RABL6: variants seen among roughly 807,000 people sequenced by gnomAD.
The protein encoded by RABL6 is RAB, member RAS oncogene family like 6.
Under a neutral mutation model 72.9 loss-of-function variants are expected in RABL6, and 28 were observed. The ratio of observed to expected loss-of-function variants is 0.38; its 90% CI spans 0.28 to 0.53. The LOEUF (loss-of-function observed/expected upper bound fraction) is 0.53, where lower values mean the gene tolerates loss of function less well. Ranked by LOEUF, RABL6 falls within the 20% of genes least tolerant of loss-of-function variation. The pLI is 0.80. For synonymous variants in RABL6, 477 were observed against 421.2 expected (o/e 1.13, Z -1.62); for missense variants, 1,029 against 1,008.4 (o/e 1.02, Z -0.28).
chr9:136,810,583 C>T (rs1438192699), intron 1 of RABL6, among the ~76,000 whole-genome samples: 2 of 152,000 alleles, frequency 1.3e-5, no homozygotes, highest in African/African-American at 4.8e-5. Flanking sequence ...GCTGTGTCTC[C>T]CAGGCTGGAG....
intron 6 of RABL6, 56 bp from the exon 7 acceptor site, chr9:136,832,209 C>A: frequency 6.6e-7 from 1 of 1,514,922 alleles, no homozygotes; most frequent in Non-Finnish European, 9.2e-7. Flanking sequence ...CAGGGGTGAT[C>A]CTTGGCACCA....
chr9:136,825,356 C>T (rs1466814248), intron 2 of RABL6, among the ~76,000 whole-genome samples: 2 of 149,942 alleles, frequency 1.3e-5, no homozygotes, highest in African/African-American at 4.9e-5. Flanking sequence ...TCGACCCAGC[C>T]AGGAGGGTCC....
At chr9:136,823,712 A>G in intron 2 of RABL6, 53 bp downstream of exon 2, 3 of 1,530,486 alleles carry the variant, frequency 2.0e-6, no homozygotes, top group Non-Finnish European at 2.6e-6. Context: ...CTCCTCCCTC[A>G]GCCCTGGTTC....
intron 5 of RABL6, 84 bp from the exon 6 acceptor site, chr9:136,831,637 G>A (rs905198072): frequency 1.4e-5 from 22 of 1,571,060 alleles, no homozygotes; most frequent in Admixed American, 3.4e-5. Flanking sequence ...CACCATCCTC[G>A]GGCCTGGGCG....
intron 9 of RABL6, 58 bp downstream of exon 9, chr9:136,837,720 G>C: frequency 6.5e-7 from 1 of 1,546,500 alleles, no homozygotes; most frequent in South Asian, 1.2e-5. Flanking sequence ...CCTCACAGGT[G>C]GGGTCCTGGA....
chr9:136,814,107 A>G (rs891025586), intron 1 of RABL6: 3 of 345,012 alleles, frequency 8.7e-6, no homozygotes, highest in Non-Finnish European at 1.2e-5. Flanking sequence ...GAAAATCCAC[A>G]TAGTCAGATT....
At chr9:136,812,336 G>T (rs1848028942) in intron 1 of RABL6, among the ~76,000 whole-genome samples, 1 of 152,124 alleles carries the variant, frequency 6.6e-6, no homozygotes, top group Non-Finnish European at 1.5e-5. Context: ...GAGGTGGGCG[G>T]ATTACATGAG....
intron 1 of RABL6, among the ~76,000 whole-genome samples, chr9:136,819,439 C>T (rs1283682128): frequency 6.6e-6 from 1 of 152,018 alleles, no homozygotes; most frequent in South Asian, 2.1e-4. Context: ...AATAACATGG[C>T]AGCAGCAGTT....
intron 1 of RABL6, chr9:136,815,105 C>A: frequency 4.3e-6 from 1 of 232,928 alleles, no homozygotes; most frequent in South Asian, 4.9e-5. Flanking sequence ...GGCAGGGGCA[C>A]CCGCTGCTGC....
At chr9:136,831,451 G>A (rs975664839) in intron 5 of RABL6, among the ~76,000 whole-genome samples, 1 of 152,200 alleles carries the variant, frequency 6.6e-6, no homozygotes, top group African/African-American at 2.4e-5. Context: ...TCTGAGGGAA[G>A]GCAGGGACAG....
chr9:136,835,678 G>T, intron 7 of RABL6, 64 bp from the exon 8 acceptor site: 1 of 1,445,434 alleles, frequency 6.9e-7, no homozygotes, highest in East Asian at 2.5e-5. Flanking sequence ...TTCAGGGGCT[G>T]TGGGGCTGGG....
chr9:136,837,567 C>A lies in RABL6; in HGVS notation c.1031C>A (p.Pro344Gln), dbSNP rs1387726507. The change falls in exon 9 of 15, where the codon CCA (proline) becomes CAA (glutamine). Residue 344 changes from proline to glutamine, a missense_variant. Physicochemically the swap from Pro to Gln is moderately conservative, Grantham distance 76 (BLOSUM62 -1). Around this residue, in one of 2 missense-constraint regions of RABL6, gnomAD observed 434 missense variants for 536.1 expected, o/e 0.81. Transcript: ENST00000311502. ...PPVPPSEALP[P>Q]PACPSAPAPR... ...GTACCACCCTCAGAGGCCCTGCCCCCACCTGCGTGCCCCTCAGCCCCCGCC... is the reference window on the plus strand; with the variant it reads ...GTACCACCCTCAGAGGCCCTGCCCCAACCTGCGTGCCCCTCAGCCCCCGCC... The A allele has an allele frequency of 3.2e-6, 5 of 1,573,790 alleles. No homozygotes were observed. The highest frequency in any genetic ancestry group is 4.3e-6 in the Non-Finnish European group (5 of 1,162,616).
intron 2 of RABL6, 122 bp downstream of exon 2, chr9:136,823,781 C>T: frequency 2.3e-6 from 3 of 1,291,560 alleles, no homozygotes; most frequent in South Asian, 1.7e-5. Context: ...GTGAGGGACC[C>T]TGCTGACGTG....
chr9:136,813,164 T>G, intron 1 of RABL6: 1 of 467,866 alleles, frequency 2.1e-6, no homozygotes, highest in East Asian at 5.1e-5. Flanking sequence ...TTTAGATGGC[T>G]GGCTCCTGGC....
intron 13 of RABL6, 27 bp from the exon 14 acceptor site, chr9:136,840,127 G>A (rs1450133791): frequency 6.2e-7 from 1 of 1,612,918 alleles, no homozygotes; most frequent in Non-Finnish European, 8.5e-7. Flanking sequence ...GCCTGAGTTT[G>A]AGCCACTGTC....
chr9:136,812,802 T>C, intron 1 of RABL6: 1 of 370,788 alleles, frequency 2.7e-6, no homozygotes, highest in Non-Finnish European at 5.4e-6. Flanking sequence ...TTTGTCTTCT[T>C]TCCTTGTGGC....
At chr9:136,833,602 C>A in intron 7 of RABL6, 1 of 1,420,782 alleles carries the variant, frequency 7.0e-7, no homozygotes, top group Non-Finnish European at 9.5e-7. Flanking sequence ...AACCTCCTCG[C>A]CCTGGGCTGC....
rs1237109834 is a variant in RABL6, at chr9:136,840,768, C to G, written c.*246C>G. On this transcript the variant is annotated 3_prime_UTR_variant, in exon 15 of 15. Transcript: ENST00000311502. Reference sequence around the variant, plus strand: ...GGCTTCAGCCAGGCTCGGTGGACACCCTGGCCCTCTCGGGGCAGAGCCGCC... The same window carrying G: ...GGCTTCAGCCAGGCTCGGTGGACACGCTGGCCCTCTCGGGGCAGAGCCGCC... The G allele has an allele frequency of 8.4e-6, 13 of 1,548,062 alleles. No individual in the cohort carries two copies. The highest frequency in any genetic ancestry group is 2.0e-5 in the Admixed American group (1 of 50,976).
At chr9:136,825,267 G>C (rs1241669887) in intron 2 of RABL6, among the ~76,000 whole-genome samples, 1 of 152,276 alleles carries the variant, frequency 6.6e-6, no homozygotes. Flanking sequence ...TGAAGAAACA[G>C]GGTCAGAAGG....
Sources: gnomAD v4.1 joint callset for allele counts (sites outside exome capture counted in the v4.1 genomes callset) on GRCh38, gnomAD v4.1.1 for gene constraint, gnomAD v4.1.1 regional missense constraint, MANE v1.5 for transcripts, NCBI Gene and HGNC (gene_info 2026-07-23, HGNC 2026-07-21) for gene names.